The following PDE11A variants were observed in gnomAD, a reference collection of about 807,000 sequenced individuals.
PDE11A encodes dual 3',5'-cyclic-AMP and -GMP phosphodiesterase 11A.
PDE11A carries 100 observed loss-of-function variants against 100.5 expected under a neutral mutation model. The ratio of observed to expected loss-of-function variants is 1.00; its 90% CI spans 0.85 to 1.18. PDE11A has a LOEUF of 1.18. Among genes scored for constraint, PDE11A ranks in the 50% most tolerant of loss-of-function variants. The pLI is 0.00. For synonymous variants in PDE11A, 381 were observed against 420.8 expected (o/e 0.91, Z 1.16); for missense variants, 1,141 against 1,152.6 (o/e 0.99, Z 0.15).
intron 4 of PDE11A, among the ~76,000 whole-genome samples, chr2:177,885,201 A>AGT (rs5836630): frequency 0.56 from 83,285 of 149,196 alleles, 24,094 homozygotes; most frequent in East Asian, 0.68. Flanking sequence ...TAATGATGTG[A>AGT]GTGTGTGTGT....
chr2:177,954,524 A>G (rs1221630616), intron 2 of PDE11A, among the ~76,000 whole-genome samples: 2 of 152,202 alleles, frequency 1.3e-5, no homozygotes, highest in Non-Finnish European at 2.9e-5. Flanking sequence ...TTCTTTGTAC[A>G]TCAGCCTCCA....
chr2:177,831,499 C>T (rs2083307973), intron 6 of PDE11A, among the ~76,000 whole-genome samples: 1 of 152,210 alleles, frequency 6.6e-6, no homozygotes, highest in South Asian at 2.1e-4. Context: ...TTATCTCTTA[C>T]TAACAGAAAA....
chr2:177,930,237 T>A (rs35625771), intron 2 of PDE11A, among the ~76,000 whole-genome samples: 13,169 of 152,272 alleles, frequency 0.086, 541 homozygotes, highest in South Asian at 0.1. Flanking sequence ...TTAGAGGCTG[T>A]TTTACTTTTA....
intron 2 of PDE11A, among the ~76,000 whole-genome samples, chr2:177,967,673 C>T (rs1396918490): frequency 6.6e-6 from 1 of 151,930 alleles, no homozygotes; most frequent in Non-Finnish European, 1.5e-5. Context: ...AAACCTGGCC[C>T]CAATCTACTG....
rs572909019 is a variant in PDE11A, at chr2:177,794,767, TTTGTTTGTTTG to T, written c.1737+22051_1737+22061del. Among the ~76,000 whole-genome samples the T allele has an allele frequency of 8.4e-3, 449 of 53,362 alleles. 3 individuals carry two copies. The highest frequency in any genetic ancestry group is 0.041 in the African/African-American group (426 of 10,372). 35.0% of individuals were successfully genotyped at this position (53,362 alleles called of 152,430 possible). Reference sequence around the variant, plus strand: ...GCTGTTTGTTAATTGGTGTCTGGTTTTTGTTTGTTTGTTTGTTTGTTTGTTTGTTTGTTTTT... The same window carrying T: ...GCTGTTTGTTAATTGGTGTCTGGTTTTTTGTTTGTTTGTTTGTTTGTTTTT... On this transcript the variant is annotated intron_variant, in intron 9 of 19. Coordinates refer to ENST00000286063, the MANE Select transcript of PDE11A (RefSeq NM_016953.4).
intron 2 of PDE11A, among the ~76,000 whole-genome samples, chr2:178,094,295 G>T (rs1230412677): frequency 6.6e-6 from 1 of 152,120 alleles, no homozygotes; most frequent in South Asian, 2.1e-4. Context: ...TAGGGAGCCT[G>T]AGGCGGGTGG....
intron 1 of PDE11A, among the ~76,000 whole-genome samples, chr2:178,065,768 G>A (rs2087035037): frequency 6.6e-6 from 1 of 152,134 alleles, no homozygotes; most frequent in Non-Finnish European, 1.5e-5. Context: ...TCAATAACAT[G>A]AGTGTAGACC....
At chr2:177,653,999 TA>T (rs1346615973) in intron 19 of PDE11A, among the ~76,000 whole-genome samples, 1 of 152,204 alleles carries the variant, frequency 6.6e-6, no homozygotes, top group Non-Finnish European at 1.5e-5. Flanking sequence ...TATTTGAGGA[TA>T]GCTTATCTCC....
At chr2:177,703,782 G>T (rs1052621968) in intron 13 of PDE11A, among the ~76,000 whole-genome samples, 7 of 151,506 alleles carry the variant, frequency 4.6e-5, no homozygotes, top group African/African-American at 1.5e-4. Flanking sequence ...AAGGGAGTGG[G>T]GATGGGGACG....
chr2:177,794,558 T>C (rs924367700), intron 9 of PDE11A, among the ~76,000 whole-genome samples: 3 of 152,164 alleles, frequency 2.0e-5, no homozygotes, highest in African/African-American at 7.2e-5. Context: ...ATTTTCCTCC[T>C]TTTCAAAGAG....
chr2:177,671,509 T>A (rs550668721), intron 17 of PDE11A, among the ~76,000 whole-genome samples: 42 of 151,940 alleles, frequency 2.8e-4, no homozygotes, highest in African/African-American at 9.9e-4. Context: ...ATCCAGGAAG[T>A]TAGAGAAATA....
At chr2:177,863,594 T>C (rs2083979906) in intron 5 of PDE11A, among the ~76,000 whole-genome samples, 1 of 151,994 alleles carries the variant, frequency 6.6e-6, no homozygotes, top group African/African-American at 2.4e-5. Flanking sequence ...CTCAACATTA[T>C]CAACATCATT....
intron 1 of PDE11A, among the ~76,000 whole-genome samples, chr2:178,054,091 C>A (rs552297787): frequency 6.6e-6 from 1 of 150,822 alleles, no homozygotes; most frequent in East Asian, 1.9e-4. Flanking sequence ...GGAGGCGTCG[C>A]GCTACTGTAC....
chr2:177,756,177 T>A (rs1479867056), intron 10 of PDE11A, among the ~76,000 whole-genome samples: 2 of 152,144 alleles, frequency 1.3e-5, no homozygotes, highest in Non-Finnish European at 2.9e-5. Context: ...GCACCCCAGG[T>A]CAGACAGGGC....
rs751714090 is a variant in PDE11A, at chr2:177,629,358, A to G, written c.*49T>C. 1 of 1,529,230 alleles carries G rather than the reference A, an allele frequency of 6.5e-7. No individual in the cohort carries two copies. Among genetic ancestry groups the G allele is most frequent in the South Asian group, 1.1e-5 (1 of 89,496 alleles). The allele number at this position is 1,529,230 out of a possible 1,614,324, so 94.7% of individuals were successfully genotyped here. A position where few individuals can be genotyped will look rare whatever the true frequency, so the allele number is the denominator to read the frequency against. On this transcript the variant is annotated 3_prime_UTR_variant, in exon 20 of 20. Coordinates refer to ENST00000286063, the MANE Select transcript of PDE11A (RefSeq NM_016953.4). ...AAAGGATGACATTGCTGGACTGAAA[A>G]TGGCCCTTCAGGCTGTAGTCATTTT...
At chr2:177,671,680 C>T (rs1045612401) in intron 17 of PDE11A, among the ~76,000 whole-genome samples, 9 of 151,910 alleles carry the variant, frequency 5.9e-5, no homozygotes, top group African/African-American at 1.9e-4. Context: ...TTAGGAAAAA[C>T]ACGGTTTTGT....
At chr2:177,904,710 C>T (rs765930776) in intron 3 of PDE11A, among the ~76,000 whole-genome samples, 10 of 151,886 alleles carry the variant, frequency 6.6e-5, no homozygotes, top group Admixed American at 2.0e-4. Flanking sequence ...ACCACCACCA[C>T]GCCCGGCTAA....
chr2:178,033,234 C>T (rs965438471), intron 1 of PDE11A, among the ~76,000 whole-genome samples: 12 of 152,058 alleles, frequency 7.9e-5, no homozygotes, highest in Non-Finnish European at 1.6e-4. Flanking sequence ...AAACACAGCA[C>T]GAGAACTTCC....
intron 2 of PDE11A, among the ~76,000 whole-genome samples, chr2:177,923,367 A>G (rs1273856632): frequency 8.6e-5 from 2 of 23,336 alleles, no homozygotes; most frequent in Non-Finnish European, 2.8e-4. Flanking sequence ...TCTCTCCCCC[A>G]GCAAAAAAAA....
Sources: gnomAD v4.1 joint callset for allele counts (sites outside exome capture counted in the v4.1 genomes callset) on GRCh38, gnomAD v4.1.1 for gene constraint, MANE v1.5 for transcripts, NCBI Gene and HGNC (gene_info 2026-07-23, HGNC 2026-07-21) for gene names.